PTPRT: variants seen among roughly 807,000 people sequenced by gnomAD.
PTPRT encodes receptor-type tyrosine-protein phosphatase T.
Under a neutral mutation model 176.8 loss-of-function variants are expected in PTPRT, and 56 were observed. The observed-to-expected ratio is 0.32, with a 90% CI of 0.26 to 0.40. The LOEUF is 0.40. Ranked by LOEUF, PTPRT falls within the 10% of genes least tolerant of loss-of-function variation. The pLI, the probability that PTPRT is intolerant of heterozygous loss-of-function variation, is 1.00. For synonymous variants in PTPRT, 783 were observed against 739.0 expected (o/e 1.06, Z -0.96); for missense variants, 1,540 against 1,908.2 (o/e 0.81, Z 3.60).
Position 42,077,204 on chromosome 20 carries a change from G to C in PTPRT, c.*3675C>G, listed in dbSNP as rs6102662. 0.28 allele frequency: 52,156 copies of C among 185,072 alleles called. 7,869 individuals carry two copies. Among genetic ancestry groups the C allele is most frequent in the Non-Finnish European group, 0.31 (27,358 of 87,446 alleles). The allele number at this position is 185,072 out of a possible 1,614,324, so 11.5% of individuals were successfully genotyped here. ...CCCACAGAGAGGGCCAGCACTAAAA[G>C]CAAACTGTCCCCTTCCATTCCCACA... On this transcript the variant is annotated 3_prime_UTR_variant, in exon 31 of 31. Transcript: ENST00000373187.
chr20:42,217,498 A>T (rs6102736), intron 15 of PTPRT, among the ~76,000 whole-genome samples: 2,949 of 151,944 alleles, frequency 0.019, 96 homozygotes, highest in African/African-American at 0.067. Flanking sequence ...TTTAATCCAC[A>T]ATTCCCATTT....
chr20:42,890,246 A>C (rs1250578200), intron 1 of PTPRT, among the ~76,000 whole-genome samples: 1 of 152,186 alleles, frequency 6.6e-6, no homozygotes, highest in Non-Finnish European at 1.5e-5. Flanking sequence ...CTTGACTCAA[A>C]GGTAAGTTTT....
At chr20:42,512,540 G>A (rs1260343476) in intron 7 of PTPRT, among the ~76,000 whole-genome samples, 1 of 152,022 alleles carries the variant, frequency 6.6e-6, no homozygotes, top group African/African-American at 2.4e-5. Context: ...ACTTGTTGAA[G>A]GCCACATCTT....
chr20:42,350,592 A>G, intron 11 of PTPRT, 36 bp downstream of exon 11: 2 of 1,518,132 alleles, frequency 1.3e-6, no homozygotes, highest in Non-Finnish European at 1.8e-6. Flanking sequence ...CACAGAGAAG[A>G]AAAACTGCAG....
intron 9 of PTPRT, among the ~76,000 whole-genome samples, chr20:42,354,413 A>G (rs899530621): frequency 2.0e-5 from 3 of 152,094 alleles, no homozygotes; most frequent in Non-Finnish European, 2.9e-5. Flanking sequence ...GGTACATTCA[A>G]CAATCTCTTG....
At position 43,087,062 on chromosome 20, in the gene PTPRT, C is replaced by T. The variant is rs115701943; in HGVS notation, c.88+102584G>A. On this transcript the variant is annotated intron_variant, in intron 1 of 30. Coordinates refer to ENST00000373187, the MANE Select transcript of PTPRT (RefSeq NM_007050.6). ...ATTCATGCCCCTTTGCAGGGAAATGCCCCTCCCCATTTCCCCAGTCCCTGG... is the reference window on the plus strand; with the variant it reads ...ATTCATGCCCCTTTGCAGGGAAATGTCCCTCCCCATTTCCCCAGTCCCTGG... Among the ~76,000 whole-genome samples, 381 of 152,296 alleles carry T rather than the reference C, an allele frequency of 2.5e-3. 1 individual carries two copies. Among genetic ancestry groups the T allele is most frequent in the African/African-American group, 8.7e-3 (363 of 41,574 alleles).
chr20:43,013,764 A>G (rs1985245218), intron 1 of PTPRT, among the ~76,000 whole-genome samples: 1 of 152,214 alleles, frequency 6.6e-6, no homozygotes, highest in Non-Finnish European at 1.5e-5. Context: ...ACACTGTGCT[A>G]TCCCTGGGGA....
chr20:43,152,486 C>G (rs1025947630), intron 1 of PTPRT, among the ~76,000 whole-genome samples: 2 of 152,198 alleles, frequency 1.3e-5, no homozygotes, highest in East Asian at 3.8e-4. Context: ...TTTGCCTTCT[C>G]TGCCCCCTGC....
intron 15 of PTPRT, among the ~76,000 whole-genome samples, chr20:42,235,251 T>TTTTTTA (rs2056218015): frequency 6.6e-6 from 1 of 150,426 alleles, no homozygotes; most frequent in African/African-American, 2.5e-5. Flanking sequence ...GTTGTTGTTA[T>TTTTTTA]TTATTATTAT....
At chr20:42,966,947 C>T (rs1337282773) in intron 1 of PTPRT, among the ~76,000 whole-genome samples, 1 of 152,222 alleles carries the variant, frequency 6.6e-6, no homozygotes, top group African/African-American at 2.4e-5. Flanking sequence ...AATTCCTCCA[C>T]TTTAACTTCC....
chr20:42,562,643 C>T (rs1244478901), intron 7 of PTPRT, among the ~76,000 whole-genome samples: 1 of 152,154 alleles, frequency 6.6e-6, no homozygotes, highest in African/African-American at 2.4e-5. Flanking sequence ...GGGATTTAAG[C>T]ACCAAAATTC....
At chr20:42,765,160 T>C (rs990605634) in intron 5 of PTPRT, among the ~76,000 whole-genome samples, 4 of 152,218 alleles carry the variant, frequency 2.6e-5, no homozygotes, top group African/African-American at 4.8e-5. Context: ...TTTGGACACA[T>C]GGCTTCATTT....
chr20:42,578,236 G>T (rs1344113209), intron 7 of PTPRT, among the ~76,000 whole-genome samples: 1 of 152,038 alleles, frequency 6.6e-6, no homozygotes. Context: ...ACTAACCAGG[G>T]ATTCACTCCT....
intron 1 of PTPRT, among the ~76,000 whole-genome samples, chr20:42,990,427 G>A (rs1467439093): frequency 6.6e-6 from 1 of 152,088 alleles, no homozygotes; most frequent in African/African-American, 2.4e-5. Flanking sequence ...ATTTAGGGTT[G>A]TTTTGTTTCG....
At chr20:42,102,067 G>T in intron 26 of PTPRT, 57 bp downstream of exon 26, 1 of 1,580,960 alleles carries the variant, frequency 6.3e-7, no homozygotes, top group Non-Finnish European at 8.7e-7. Context: ...CTCCACCTCA[G>T]GAAGAATATT....
At chr20:42,938,773 A>G (rs1980366222) in intron 1 of PTPRT, among the ~76,000 whole-genome samples, 1 of 152,234 alleles carries the variant, frequency 6.6e-6, no homozygotes, top group South Asian at 2.1e-4. Context: ...GTGTTTCAAT[A>G]GTCTCTTTGT....
At position 42,874,975 on chromosome 20, in the gene PTPRT, G is replaced by A. The variant is rs151235466; in HGVS notation, c.214+10832C>T. On this transcript the variant is annotated intron_variant, in intron 2 of 30. Transcript: ENST00000373187. ...GCAGTCTCAGCTCACTGCAACCTCTGCCTCCCAGACAACCCCTTTATTCTA... is the reference window on the plus strand; with the variant it reads ...GCAGTCTCAGCTCACTGCAACCTCTACCTCCCAGACAACCCCTTTATTCTA... Among the ~76,000 whole-genome samples, 4 of 152,278 alleles carry A rather than the reference G, an allele frequency of 2.6e-5. No homozygotes were observed. The East Asian group carries it at 7.7e-4, about 29-fold the overall frequency.
At chr20:42,261,475 A>G (rs974547727) in intron 13 of PTPRT, among the ~76,000 whole-genome samples, 2 of 150,184 alleles carry the variant, frequency 1.3e-5, no homozygotes, top group African/African-American at 5.1e-5. Flanking sequence ...ACACAATTCA[A>G]CTTCTAAGAC....
At chr20:43,164,142 T>G (rs559726145) in intron 1 of PTPRT, among the ~76,000 whole-genome samples, 2 of 152,364 alleles carry the variant, frequency 1.3e-5, no homozygotes, top group South Asian at 4.1e-4. Context: ...AAGTCCTACC[T>G]TAAATTCCAA....
Sources: allele counts gnomAD v4.1 joint callset (sites outside exome capture counted in the v4.1 genomes callset), GRCh38; gene constraint gnomAD v4.1.1; transcripts MANE v1.5; gene names NCBI Gene and HGNC (gene_info 2026-07-23, HGNC 2026-07-21).